The following PAX5 variants were observed in gnomAD, a reference collection of about 807,000 sequenced individuals.
PAX5 encodes the protein paired box 5.
In PAX5, 9 loss-of-function variants were observed where a neutral mutation model predicts 43.7. That is an observed-to-expected ratio of 0.21 (90% CI 0.12 to 0.36). PAX5 has a LOEUF of 0.36. Among genes scored for constraint, PAX5 ranks in the 10% least tolerant of loss-of-function variants. The pLI is 1.00. For synonymous variants in PAX5, 228 were observed against 214.3 expected, an observed-to-expected ratio of 1.06 and a Z score of -0.56; for missense variants, 383 against 532.7, an observed-to-expected ratio of 0.72 and a Z score of 2.77.
intron 6 of PAX5, among the ~76,000 whole-genome samples, chr9:36,959,626 A>G (rs1429029430): frequency 1.3e-5 from 2 of 152,136 alleles, no homozygotes; most frequent in Non-Finnish European, 2.9e-5. Flanking sequence ...ACCACCCTAG[A>G]CTTCTGTTTA....
chr9:36,968,641 C>T (rs1206499569), intron 5 of PAX5, among the ~76,000 whole-genome samples: 1 of 152,204 alleles, frequency 6.6e-6, no homozygotes, highest in African/African-American at 2.4e-5. Context: ...AAGTTGGTCT[C>T]TCTGACCAAC....
rs926275903 is a variant in PAX5 at position 36,930,188 on chromosome 9, C to T, written c.781-6704G>A. On this transcript the variant is annotated intron_variant, in intron 6 of 9. Coordinates refer to ENST00000358127, the MANE Select transcript of PAX5 (RefSeq NM_016734.3). Reference sequence around the variant, plus strand: ...GGTCATCTTTCCCAACATAGAAAAACTGAGGTACAGGGATAGGGATGGATG... The same window carrying T: ...GGTCATCTTTCCCAACATAGAAAAATTGAGGTACAGGGATAGGGATGGATG... Among the ~76,000 whole-genome samples the T allele has an allele frequency of 5.4e-5, 8 of 146,930 alleles. No individual in the cohort carries two copies. The South Asian group carries it at 1.3e-3, about 24-fold the overall frequency.
At chr9:36,924,931 C>G (rs542050004) in intron 6 of PAX5, among the ~76,000 whole-genome samples, 1 of 145,296 alleles carries the variant, frequency 6.9e-6, no homozygotes, top group Non-Finnish European at 1.5e-5. Flanking sequence ...TCCTCCAGGA[C>G]GCTGGCATTG....
chr9:36,960,579 C>T lies in PAX5; in HGVS notation c.780+5970G>A, dbSNP rs140233621. 5.9e-5 allele frequency among the ~76,000 whole-genome samples: 9 copies of T among 152,298 alleles called. No homozygotes were observed. In the East Asian group the frequency reaches 1.5e-3, roughly 26 times the overall value. On this transcript the variant is annotated intron_variant, in intron 6 of 9. Coordinates refer to ENST00000358127, the MANE Select transcript of PAX5 (RefSeq NM_016734.3). The stretch of plus-strand genomic sequence containing the variant: ...AAGAAGAAAGAGATCCAACGGTAGT[C>T]GCAGGAACAGGACGAGAGGCAAGAA...
chr9:37,024,437 A>T, intron 1 of PAX5, among the ~76,000 whole-genome samples: 1 of 152,194 alleles, frequency 6.6e-6, no homozygotes, highest in Non-Finnish European at 1.5e-5. Context: ...GAGGAAGGTG[A>T]CGAAGTGGGA....
chr9:36,916,524 A>G (rs1258805735), intron 7 of PAX5, among the ~76,000 whole-genome samples: 1 of 152,150 alleles, frequency 6.6e-6, no homozygotes, highest in Non-Finnish European at 1.5e-5. Flanking sequence ...ACTTCGGAGG[A>G]GTTGGCATTT....
At chr9:36,921,030 C>T (rs1830132918) in intron 7 of PAX5, among the ~76,000 whole-genome samples, 1 of 152,146 alleles carries the variant, frequency 6.6e-6, no homozygotes, top group Admixed American at 6.5e-5. Flanking sequence ...CCGGGCTGGT[C>T]TAGAACCCCT....
At chr9:36,865,773 TC>T (rs1286005579) in intron 8 of PAX5, among the ~76,000 whole-genome samples, 1 of 152,228 alleles carries the variant, frequency 6.6e-6, no homozygotes, top group East Asian at 1.9e-4. Context: ...CTGGTAGTCT[TC>T]TTTTGATTAA....
In PAX5 at chr9:36,840,056, G is replaced by A; in HGVS notation, c.*504C>T. 1 of 266,936 alleles carries A rather than the reference G, an allele frequency of 3.7e-6. No homozygotes were observed. Among genetic ancestry groups the A allele is most frequent in the Non-Finnish European group, 7.3e-6 (1 of 137,910 alleles). 16.5% of individuals were successfully genotyped at this position (266,936 alleles called of 1,614,324 possible). A position where few individuals can be genotyped will look rare whatever the true frequency, so the allele number is the denominator to read the frequency against. ...TGCCAGGGTCACCCAGGGCAGAGAG[G>A]ATGCTCTGCCATAGGTCTAAGATGT... On this transcript the variant is annotated 3_prime_UTR_variant, in exon 10 of 10. Transcript: ENST00000358127.
At chr9:36,982,428 C>T (rs7041567) in intron 5 of PAX5, among the ~76,000 whole-genome samples, 2,340 of 152,258 alleles carry the variant, frequency 0.015, 54 homozygotes, top group African/African-American at 0.052. Flanking sequence ...CAGTCTCAGC[C>T]CTCAGGGAGC....
chr9:36,844,192 A>C (rs936775027), intron 9 of PAX5, among the ~76,000 whole-genome samples: 11 of 152,114 alleles, frequency 7.2e-5, no homozygotes, highest in Admixed American at 7.2e-4. Context: ...AGGACTCAGG[A>C]CTCCCAAGGC....
chr9:36,865,407 T>C (rs945074721), intron 8 of PAX5, among the ~76,000 whole-genome samples: 5 of 152,218 alleles, frequency 3.3e-5, no homozygotes, highest in Non-Finnish European at 4.4e-5. Context: ...GCGATTCTCC[T>C]AGGTCTTGAG....
At chr9:36,935,309 G>C (rs1442735285) in intron 6 of PAX5, among the ~76,000 whole-genome samples, 1 of 152,208 alleles carries the variant, frequency 6.6e-6, no homozygotes, top group Non-Finnish European at 1.5e-5. Context: ...GAACCCGGGG[G>C]GCGGAGGTTG....
chr9:36,877,058 C>T (rs1345236365), intron 8 of PAX5, among the ~76,000 whole-genome samples: 1 of 152,148 alleles, frequency 6.6e-6, no homozygotes, highest in African/African-American at 2.4e-5. Flanking sequence ...AAGTGGTGGC[C>T]GGGCACAGTG....
At chr9:36,871,498 A>G (rs1351528095) in intron 8 of PAX5, among the ~76,000 whole-genome samples, 2 of 152,172 alleles carry the variant, frequency 1.3e-5, no homozygotes, top group African/African-American at 4.8e-5. Context: ...TCAGCCACCC[A>G]ACGCTTAGCC....
At chr9:36,999,520 G>A (rs1837674776) in intron 5 of PAX5, among the ~76,000 whole-genome samples, 1 of 152,160 alleles carries the variant, frequency 6.6e-6, no homozygotes, top group Non-Finnish European at 1.5e-5. Context: ...AATGCCCTCA[G>A]AGCAAAACTC....
At chr9:36,987,615 G>A (rs923820379) in intron 5 of PAX5, among the ~76,000 whole-genome samples, 1 of 152,232 alleles carries the variant, frequency 6.6e-6, no homozygotes, top group African/African-American at 2.4e-5. Flanking sequence ...TGAACGAGAT[G>A]GCTCAGGCAC....
At chr9:37,027,391 G>T (rs1265213469) in intron 1 of PAX5, among the ~76,000 whole-genome samples, 3 of 152,232 alleles carry the variant, frequency 2.0e-5, no homozygotes, top group South Asian at 4.1e-4. Context: ...CCTCGCCGGG[G>T]TGTCTACCTC....
Position 36,834,417 on chromosome 9 carries a change from A to AGTGT in PAX5, c.*6139_*6142dup, listed in dbSNP as rs56175234. 0.081 allele frequency: 18,016 copies of AGTGT among 223,396 alleles called. 535 individuals are homozygous for AGTGT. Among genetic ancestry groups the AGTGT allele is most frequent in the African/African-American group, 0.088 (3,826 of 43,398 alleles). The allele number at this position is 223,396 out of a possible 1,614,324, so 13.8% of individuals were successfully genotyped here. On this transcript the variant is annotated 3_prime_UTR_variant, in exon 10 of 10. Transcript: ENST00000358127. ...TGTCTGAGGTGTAGGGGAGTGAGTG[A>AGTGT]GTGTGTGTGTGTGTGTGTGTGTGTG...
Sources: allele counts gnomAD v4.1 joint callset (sites outside exome capture counted in the v4.1 genomes callset), GRCh38; gene constraint gnomAD v4.1.1; transcripts MANE v1.5; gene names NCBI Gene and HGNC (gene_info 2026-07-23, HGNC 2026-07-21).